Variants in FMN2 observed in about 807,000 individuals in gnomAD.
FMN2 encodes formin 2.
In FMN2, 51 loss-of-function variants were observed where a neutral mutation model predicts 142.3. The ratio of observed to expected loss-of-function variants is 0.36; its 90% CI spans 0.29 to 0.45. The LOEUF (loss-of-function observed/expected upper bound fraction) is 0.45. FMN2 is among the 20% of genes least tolerant of loss of function. The pLI is 1.00. For missense variants in FMN2, 1,936 were observed against 2,122.8 expected, an observed-to-expected ratio of 0.91 and a Z score of 1.73; for synonymous variants, 882 against 869.8, an observed-to-expected ratio of 1.01 and a Z score of -0.25.
intron 16 of FMN2, among the ~76,000 whole-genome samples, chr1:240,442,953 T>C (rs959297083): frequency 2.0e-5 from 3 of 152,220 alleles, no homozygotes; most frequent in Non-Finnish European, 4.4e-5. Context: ...AGTCTTGCAG[T>C]GTTATCATGT....
At chr1:240,298,016 C>T (rs1670049612) in intron 8 of FMN2, among the ~76,000 whole-genome samples, 2 of 152,140 alleles carry the variant, frequency 1.3e-5, no homozygotes, top group Admixed American at 1.3e-4. Context: ...CTAATTGCTT[C>T]CAAAAGGCCC....
intron 2 of FMN2, among the ~76,000 whole-genome samples, chr1:240,163,821 C>T (rs116006950): frequency 6.6e-6 from 1 of 151,650 alleles, no homozygotes; most frequent in Admixed American, 6.6e-5. Context: ...TTTAATTGTT[C>T]TCTCTGGTAT....
intron 2 of FMN2, chr1:240,144,186 C>T: frequency 2.7e-6 from 4 of 1,478,724 alleles, no homozygotes; most frequent in Non-Finnish European, 3.8e-6. Flanking sequence ...CTTGTAAAGC[C>T]ATTTGTTGCC....
At position 240,184,943 on chromosome 1, in the gene FMN2, T is replaced by C. The variant is rs577610280; in HGVS notation, c.1931-3264T>C. On this transcript the variant is annotated intron_variant, in intron 3 of 17. Transcript: ENST00000319653. ...TGTTCCCTTTACTTTCTCCCTCCTA[T>C]ACCTTCCCCTTCTCTTTCTCCCTCC... Among the ~76,000 whole-genome samples, 133 of 145,918 alleles carry C rather than the reference T, an allele frequency of 9.1e-4. 1 individual carries two copies. Among genetic ancestry groups the C allele is most frequent in the African/African-American group, 3.4e-3 (132 of 38,810 alleles).
rs115713440 is a variant in FMN2, at chr1:240,189,712, G to A, written c.1986+1450G>A. On this transcript the variant is annotated intron_variant, in intron 4 of 17. Coordinates refer to ENST00000319653, the MANE Select transcript of FMN2 (RefSeq NM_020066.5). ...GGGAGCAGAGGGCTACATCAACTTG[G>A]TGGCACTTGGAGAGGCACGGTGGGC... is the stretch of plus-strand genomic sequence containing the variant. Among the ~76,000 whole-genome samples, 1,258 of 152,308 alleles carry A rather than the reference G, an allele frequency of 8.3e-3. 18 individuals carry two copies. Among genetic ancestry groups the A allele is most frequent in the African/African-American group, 0.029 (1,216 of 41,568 alleles).
At chr1:240,188,412 G>T (rs1027583079) in intron 4 of FMN2, 150 bp downstream of exon 4, 4 of 684,522 alleles carry the variant, frequency 5.8e-6, no homozygotes, top group Non-Finnish European at 9.7e-6. Flanking sequence ...TCAGGCAGAA[G>T]GGGATGTTTT....
intron 2 of FMN2, among the ~76,000 whole-genome samples, chr1:240,159,886 GATATATATATATATCTGTGTATATAT>G (rs1664189206): frequency 2.2e-5 from 3 of 135,436 alleles, no homozygotes; most frequent in African/African-American, 5.7e-5. Context: ...TACATGGAGA[GATATATATATATATCTGTGTATATAT>G]ATATATATAT....
intron 2 of FMN2, chr1:240,142,853 G>A (rs945267382): frequency 9.4e-6 from 15 of 1,588,902 alleles, no homozygotes; most frequent in Non-Finnish European, 1.3e-5. Context: ...CCACTGCCTG[G>A]CCTACATGGA....
At chr1:240,460,069 G>T (rs979537794) in intron 16 of FMN2, among the ~76,000 whole-genome samples, 65 of 152,292 alleles carry the variant, frequency 4.3e-4, no homozygotes, top group African/African-American at 1.4e-3. Context: ...GGAGAATGTG[G>T]TGGTTGTTTT....
chr1:240,405,940 A>G (rs937310384), intron 15 of FMN2, among the ~76,000 whole-genome samples: 4 of 148,660 alleles, frequency 2.7e-5, no homozygotes, highest in African/African-American at 9.8e-5. Flanking sequence ...CATTTCTCAG[A>G]GGCCTCCAGA....
chr1:240,387,206 G>C (rs1346210849), intron 14 of FMN2, among the ~76,000 whole-genome samples: 1 of 152,108 alleles, frequency 6.6e-6, no homozygotes, highest in Admixed American at 6.6e-5. Context: ...GTAGAGAATT[G>C]ATTGCTTTAT....
chr1:240,173,675 G>C (rs751860422), intron 2 of FMN2, among the ~76,000 whole-genome samples: 6 of 152,132 alleles, frequency 3.9e-5, no homozygotes, highest in African/African-American at 9.7e-5. Context: ...TGATTCTGCA[G>C]ACACGGAGGA....
At chr1:240,210,486 C>T (rs954899269) in intron 5 of FMN2, among the ~76,000 whole-genome samples, 5 of 152,176 alleles carry the variant, frequency 3.3e-5, no homozygotes, top group Admixed American at 2.0e-4. Flanking sequence ...GTTGTTACCA[C>T]GCCACTTATG....
intron 16 of FMN2, among the ~76,000 whole-genome samples, chr1:240,464,914 G>T (rs553402309): frequency 1.2e-4 from 19 of 152,136 alleles, no homozygotes; most frequent in Non-Finnish European, 1.6e-4. Context: ...GGGTGCAAGC[G>T]CAGTGTTTTC....
intron 16 of FMN2, among the ~76,000 whole-genome samples, chr1:240,456,683 C>T (rs934216844): frequency 5.3e-5 from 8 of 152,026 alleles, no homozygotes; most frequent in Admixed American, 2.0e-4. Flanking sequence ...CGCGAACTCC[C>T]GACCTCAGGT....
chr1:240,411,151 A>C (rs1452608811), intron 15 of FMN2, among the ~76,000 whole-genome samples: 3 of 152,306 alleles, frequency 2.0e-5, no homozygotes, highest in East Asian at 3.9e-4. Flanking sequence ...CAAGTTCTCA[A>C]AACACTTCCC....
intron 14 of FMN2, among the ~76,000 whole-genome samples, chr1:240,368,400 G>T (rs1325312721): frequency 6.6e-6 from 1 of 151,948 alleles, no homozygotes; most frequent in Non-Finnish European, 1.5e-5. Flanking sequence ...TTTAATATCT[G>T]CCCAAAAAGT....
At chr1:240,369,327 C>G (rs1230686322) in intron 14 of FMN2, among the ~76,000 whole-genome samples, 1 of 152,158 alleles carries the variant, frequency 6.6e-6, no homozygotes, top group Non-Finnish European at 1.5e-5. Flanking sequence ...TGTTTTAATG[C>G]TAATCTTACC....
At chr1:240,172,330 C>T (rs538084646) in intron 2 of FMN2, among the ~76,000 whole-genome samples, 5 of 152,096 alleles carry the variant, frequency 3.3e-5, no homozygotes, top group African/African-American at 1.2e-4. Context: ...TGCTCAACTA[C>T]TTATAGTCAT....
Sources: allele counts gnomAD v4.1 joint callset (sites outside exome capture counted in the v4.1 genomes callset), GRCh38; gene constraint gnomAD v4.1.1; transcripts MANE v1.5; gene names NCBI Gene and HGNC (gene_info 2026-07-23, HGNC 2026-07-21).